The following LRP11 variants were observed in gnomAD, a reference collection of about 807,000 sequenced individuals.
LRP11 encodes the protein LDL receptor related protein 11.
A neutral mutation model predicts 43.1 loss-of-function variants in LRP11; 25 were observed. The ratio of observed to expected loss-of-function variants is 0.58; its 90% CI spans 0.42 to 0.81. The LOEUF (loss-of-function observed/expected upper bound fraction) is 0.81, where lower values mean the gene tolerates loss of function less well. Among genes scored for constraint, LRP11 ranks in the 30% least tolerant of loss-of-function variants. The probability of loss-of-function intolerance (pLI) is 0.00; values close to 1 mark genes in which losing one functional copy is unlikely to be tolerated. For missense variants in LRP11, 623 were observed against 665.1 expected (o/e 0.94, Z 0.70); for synonymous variants, 316 against 299.4 (o/e 1.06, Z -0.57).
chr6:149,839,739 C>G (rs1454256270), intron 3 of LRP11, among the ~76,000 whole-genome samples: 2 of 152,180 alleles, frequency 1.3e-5, no homozygotes, highest in African/African-American at 4.8e-5. Context: ...ACTGCAGCCT[C>G]CAGCTCCCAG....
In LRP11 at chr6:149,858,456, C is replaced by G. The variant is rs190847638; in HGVS notation, c.613+4952G>C. On this transcript the variant is annotated intron_variant, in intron 1 of 6. Transcript: ENST00000239367. ...AATCCAGTCTATTATTAATGGACAT[C>G]TGGGTTGGTTCCAAGTCTTTGCTAT... Among the ~76,000 whole-genome samples the G allele has an allele frequency of 2.8e-3, 430 of 152,246 alleles. 2 individuals carry two copies. The highest frequency in any genetic ancestry group is 0.02 in the Middle Eastern group (6 of 294).
rs1379449979 is a variant in LRP11, at chr6:149,859,392, A to ATTTT, written c.613+4015_613+4016insAAAA. On this transcript the variant is annotated intron_variant, in intron 1 of 6. Coordinates refer to ENST00000239367, the MANE Select transcript of LRP11 (RefSeq NM_032832.6). ...CTTGCTGACTCATATATATATATATATATATTTTTTTTTTTTTTTTTTTGA... is the reference window on the plus strand; with the variant it reads ...CTTGCTGACTCATATATATATATATATTTTTATATTTTTTTTTTTTTTTTTTTGA... Among the ~76,000 whole-genome samples the ATTTT allele has an allele frequency of 8.5e-4, 65 of 76,768 alleles. 2 individuals carry two copies. The highest frequency in any genetic ancestry group is 4.5e-3 in the African/African-American group (47 of 10,462). 50.4% of individuals were successfully genotyped at this position (76,768 alleles called of 152,430 possible).
intron 2 of LRP11, among the ~76,000 whole-genome samples, chr6:149,847,824 TACACACACACACACAC>T (rs57292379): frequency 0.018 from 2,336 of 131,122 alleles, 62 homozygotes; most frequent in Admixed American, 0.072. Context: ...TAAACTAAAT[TACACACACACACACAC>T]ACACACACAC....
At chr6:149,840,230 T>C (rs906339696) in intron 3 of LRP11, among the ~76,000 whole-genome samples, 2 of 152,178 alleles carry the variant, frequency 1.3e-5, no homozygotes, top group Non-Finnish European at 2.9e-5. Context: ...AACACTTGTC[T>C]CTTCTACCTC....
intron 2 of LRP11, among the ~76,000 whole-genome samples, chr6:149,847,666 T>G (rs1776657658): frequency 6.6e-6 from 1 of 152,140 alleles, no homozygotes; most frequent in Non-Finnish European, 1.5e-5. Flanking sequence ...CAATCTCTGC[T>G]CAAGATCCCT....
In LRP11 at chr6:149,852,000, T is replaced by G. The variant is rs538471291; in HGVS notation, c.771+1003A>C. 2.6e-5 allele frequency among the ~76,000 whole-genome samples: 4 copies of G among 152,250 alleles called. No homozygotes were observed. In the East Asian group the frequency reaches 7.7e-4, roughly 29 times the overall value. On this transcript the variant is annotated intron_variant, in intron 2 of 6. Transcript: ENST00000239367. Reference sequence around the variant, plus strand: ...TAAAACCAGCAGATCTTGCGAGAACTCACTCACTATCATGAGAATAGCATG... The same window carrying G: ...TAAAACCAGCAGATCTTGCGAGAACGCACTCACTATCATGAGAATAGCATG...
intron 3 of LRP11, among the ~76,000 whole-genome samples, chr6:149,841,023 T>G (rs1234688053): frequency 6.6e-6 from 1 of 152,196 alleles, no homozygotes; most frequent in Non-Finnish European, 1.5e-5. Flanking sequence ...GTTTGGTGCC[T>G]GTCCTGTCTG....
At chr6:149,854,770 C>T (rs1249042057) in intron 1 of LRP11, among the ~76,000 whole-genome samples, 2 of 152,202 alleles carry the variant, frequency 1.3e-5, no homozygotes, top group East Asian at 3.9e-4. Context: ...CACCGCCTCT[C>T]CTCCTGCTTT....
chr6:149,819,476 T>C lies in LRP11; in HGVS notation c.*1073A>G, dbSNP rs183157864. The C allele has an allele frequency of 6.5e-6, 1 of 152,720 alleles. No homozygotes were observed. The highest frequency in any genetic ancestry group is 1.9e-4 in the East Asian group (1 of 5,186). The allele number at this position is 152,720 out of a possible 1,614,324, so 9.5% of individuals were successfully genotyped here. On this transcript the variant is annotated 3_prime_UTR_variant, in exon 7 of 7. Transcript: ENST00000239367. The stretch of plus-strand genomic sequence containing the variant: ...AAAAGGGGAAAGATGCTAAGCTAGA[T>C]GCTGGTTTTCTGTAAAGATGAATTT...
In LRP11 at chr6:149,842,977, T is replaced by C; in HGVS notation, c.913+6A>G. On this transcript the variant is annotated splice_donor_region_variant and intron_variant, in intron 3 of 6. Transcript: ENST00000239367. ...GTGGGAAGCGAGGGAAGGACTTTCTTCTCACCTCCTGTGGAGTAGGCTGCG... is the reference window on the plus strand; with the variant it reads ...GTGGGAAGCGAGGGAAGGACTTTCTCCTCACCTCCTGTGGAGTAGGCTGCG... The C allele has an allele frequency of 6.2e-7, 1 of 1,614,114 alleles. No homozygotes were observed. Among genetic ancestry groups the C allele is most frequent in the Non-Finnish European group, 8.5e-7 (1 of 1,179,986 alleles).
intron 5 of LRP11, among the ~76,000 whole-genome samples, chr6:149,830,673 T>C (rs1354618356): frequency 1.3e-5 from 2 of 152,222 alleles, no homozygotes; most frequent in Non-Finnish European, 2.9e-5. Flanking sequence ...TTCTGAATCT[T>C]CAGTTGTCAA....
At chr6:149,839,061 G>T (rs200696056) in intron 3 of LRP11, among the ~76,000 whole-genome samples, 1,508 of 136,898 alleles carry the variant, frequency 0.011, 13 homozygotes, top group African/African-American at 0.016. Context: ...GTTTTTTTTT[G>T]TTTTTTTTTT....
At chr6:149,851,341 AATTAGGGGT>A (rs1776716295) in intron 2 of LRP11, among the ~76,000 whole-genome samples, 1 of 152,216 alleles carries the variant, frequency 6.6e-6, no homozygotes, top group African/African-American at 2.4e-5. Context: ...TATGGGGTTC[AATTAGGGGT>A]ATTAGATGTT....
intron 1 of LRP11, 54 bp downstream of exon 1, chr6:149,863,354 C>T: frequency 2.3e-6 from 3 of 1,302,368 alleles, no homozygotes; most frequent in Non-Finnish European, 1.9e-6. Context: ...TTGGCGAGGG[C>T]GCTGCGGGTC....
intron 5 of LRP11, among the ~76,000 whole-genome samples, chr6:149,830,012 T>A (rs1311263627): frequency 1.3e-5 from 2 of 149,902 alleles, no homozygotes; most frequent in African/African-American, 4.9e-5. Context: ...ATCCTCTTTT[T>A]TTTTTTTTTT....
chr6:149,821,617 G>C (rs1419374985), intron 6 of LRP11, among the ~76,000 whole-genome samples: 1 of 152,190 alleles, frequency 6.6e-6, no homozygotes, highest in Non-Finnish European at 1.5e-5. Context: ...GAAGTAGCGA[G>C]GCTTGCAGGA....
intron 5 of LRP11, among the ~76,000 whole-genome samples, chr6:149,831,283 A>G (rs1776405221): frequency 6.6e-6 from 1 of 152,232 alleles, no homozygotes; most frequent in Non-Finnish European, 1.5e-5. Context: ...ATACTTTAAC[A>G]TGCCCAGGAA....
intron 2 of LRP11, among the ~76,000 whole-genome samples, chr6:149,844,168 G>A (rs964043322): frequency 2.7e-5 from 4 of 150,674 alleles, no homozygotes; most frequent in East Asian, 3.9e-4. Context: ...CAGGAGAATC[G>A]CTTAAAACTG....
rs1486602019 is a variant in LRP11 at position 149,827,615 on chromosome 6, G to C, written c.1253-1256C>G. The stretch of plus-strand genomic sequence containing the variant: ...TAAACTCTGAGCTCAGACAGAAGGA[G>C]AGAGATGAGGAAAGCACAGCCATTG... On this transcript the variant is annotated intron_variant, in intron 5 of 6. Coordinates refer to ENST00000239367, the MANE Select transcript of LRP11 (RefSeq NM_032832.6). This position sits in a 1 kb window ranked among gnomAD's most constrained non-coding sequence, Gnocchi z 4.2. Among the ~76,000 whole-genome samples, 3 of 152,196 alleles carry C rather than the reference G, an allele frequency of 2.0e-5. No homozygotes were observed. The highest frequency in any genetic ancestry group is 7.2e-5 in the African/African-American group (3 of 41,442).
Sources: gnomAD v4.1 joint callset for allele counts (sites outside exome capture counted in the v4.1 genomes callset) on GRCh38, gnomAD v4.1.1 for gene constraint, Gnocchi (gnomAD v3.1) non-coding constraint, MANE v1.5 for transcripts, NCBI Gene and HGNC (gene_info 2026-07-23, HGNC 2026-07-21) for gene names.